COMMD4: variants seen among roughly 807,000 people sequenced by gnomAD.
COMMD4 encodes the protein COMM domain-containing protein 4.
COMMD4 carries 18 observed loss-of-function variants against 27.5 expected under a neutral mutation model. The observed-to-expected ratio is 0.65, with a 90% confidence interval of 0.45 to 0.97. COMMD4 has a LOEUF of 0.97. Among genes scored for constraint, COMMD4 ranks in the 50% least tolerant of loss-of-function variants. The pLI is 0.00. For missense variants in COMMD4, 243 were observed against 250.0 expected, an observed-to-expected ratio of 0.97 and a Z score of 0.19; for synonymous variants, 108 against 108.4, an observed-to-expected ratio of 1.00 and a Z score of 0.02.
chr15:75,339,641 C>T (rs1030328399), intron 6 of COMMD4, 61 bp from the exon 7 acceptor site: 33 of 1,505,732 alleles, frequency 2.2e-5, no homozygotes, highest in African/African-American at 4.2e-5. Context: ...GCCAGGGTGT[C>T]GGCTGAGGTC....
downstream of COMMD4, chr15:75,342,094 AAATG>A (rs1470959872): frequency 6.6e-6 from 1 of 150,892 alleles, no homozygotes; most frequent in East Asian, 2.0e-4. Flanking sequence ...AAAAAAAAAA[AAATG>A]TATATATACA....
chr15:75,340,932 C>G (rs2071423739), downstream of COMMD4: 1 of 152,232 alleles, frequency 6.6e-6, no homozygotes, highest in African/African-American at 2.4e-5. Flanking sequence ...CAGGCGTAAG[C>G]CACTGCGCCC....
In COMMD4 at chr15:75,339,948, A is replaced by G; in HGVS notation, c.560-17A>G. On this transcript the variant is annotated splice_polypyrimidine_tract_variant and intron_variant, in intron 7 of 7. Coordinates refer to ENST00000267935, the MANE Select transcript of COMMD4 (RefSeq NM_017828.5). ...CCGCCTGACTGCCTCCCACCTGCCC[A>G]CCTCTTCCCTCTGCAGAACTGAAGC... The G allele has an allele frequency of 5.6e-6, 9 of 1,614,044 alleles. No homozygotes were observed. The highest frequency in any genetic ancestry group is 7.6e-6 in the Non-Finnish European group (9 of 1,179,972).
chr15:75,340,626 C>T (rs370286874), downstream of COMMD4, among the ~76,000 whole-genome samples: 4 of 152,006 alleles, frequency 2.6e-5, no homozygotes, highest in Admixed American at 1.3e-4. Flanking sequence ...TATTTAGAGA[C>T]GGAGTTTCGC....
chr15:75,339,629 G>C, intron 6 of COMMD4, 73 bp from the exon 7 acceptor site: 1 of 1,477,634 alleles, frequency 6.8e-7, no homozygotes, highest in East Asian at 2.3e-5. Context: ...GTTGAGAGCT[G>C]AGCCAGGGTG....
rs563232982 is a variant in COMMD4, at chr15:75,336,201, G to A, written c.3+109G>A. ...TTGTACTGGCCTCTCCGCAAACACAGTGTGTGCGGGCGTGAGGGCTGTGAG... is the reference window on the plus strand; with the variant it reads ...TTGTACTGGCCTCTCCGCAAACACAATGTGTGCGGGCGTGAGGGCTGTGAG... On this transcript the variant is annotated intron_variant, in intron 1 of 7. Coordinates refer to ENST00000267935, the MANE Select transcript of COMMD4 (RefSeq NM_017828.5). 18 of 1,548,906 alleles carry A rather than the reference G, an allele frequency of 1.2e-5. No homozygotes were observed. The African/African-American group carries it at 1.8e-4, about 15-fold the overall frequency.
In COMMD4 at chr15:75,339,273, C is replaced by A; in HGVS notation, c.311C>A (p.Ala104Asp). 6.2e-7 allele frequency: 1 copy of A among 1,612,222 alleles called. No homozygotes were observed. Among genetic ancestry groups the A allele is most frequent in the Non-Finnish European group, 8.5e-7 (1 of 1,180,004 alleles). The change falls in exon 6 of 8, where the codon GCC (alanine) becomes GAC (aspartate). Residue 104 changes from alanine (A) to aspartate (D), a missense_variant. By Grantham distance (126) the Ala-to-Asp change is moderately radical. Coordinates refer to ENST00000267935, the MANE Select transcript of COMMD4 (RefSeq NM_017828.5). ...TCCATTCTACCCCCAGAGCACGCGG[C>A]CAGCCTGTGCCGCTGTTATGAGGAG... Reference protein sequence around the residue: ...QQLGLPKEHAASLCRCYEEKQ... With the variant: ...QQLGLPKEHADSLCRCYEEKQ...
intron 1 of COMMD4, chr15:75,337,123 T>G (rs2071228991): frequency 6.6e-6 from 1 of 152,286 alleles, no homozygotes; most frequent in African/African-American, 2.4e-5. Context: ...CTGGGTGCGG[T>G]GGCTCATGCC....
Position 75,338,042 on chromosome 15 carries a change from C to T in COMMD4, c.4-20C>T. 1 of 1,596,910 alleles carries T rather than the reference C, an allele frequency of 6.3e-7. No individual in the cohort carries two copies. Among genetic ancestry groups the T allele is most frequent in the Non-Finnish European group, 8.5e-7 (1 of 1,171,482 alleles). On this transcript the variant is annotated intron_variant, in intron 1 of 7. Coordinates refer to ENST00000267935, the MANE Select transcript of COMMD4 (RefSeq NM_017828.5). ...CTCAGGCCTCCCTCCAGCCTGATTACCTGCCTCCCTCCCTTGCAGAGGTTC... is the reference window on the plus strand; with the variant it reads ...CTCAGGCCTCCCTCCAGCCTGATTATCTGCCTCCCTCCCTTGCAGAGGTTC...
intron 7 of COMMD4, 38 bp downstream of exon 7, chr15:75,339,916 C>T: frequency 1.2e-6 from 2 of 1,614,046 alleles, no homozygotes; most frequent in Admixed American, 3.3e-5. Context: ...GAGAGGCTCT[C>T]CCAGATCCGC....
rs188362483 is a variant in COMMD4, at chr15:75,340,091, G to T, written c.*86G>T. 163 of 1,495,854 alleles carry T rather than the reference G, an allele frequency of 1.1e-4. No homozygotes were observed. The African/African-American group carries it at 2.2e-3, about 20-fold the overall frequency. 92.7% of individuals were successfully genotyped at this position (1,495,854 alleles called of 1,614,324 possible). A position where few individuals can be genotyped will look rare whatever the true frequency, so the allele number is the denominator to read the frequency against. ...AACTGCTCTTCGGGAGGCAGCCCTG[G>T]TTCTAGGATGCTGAGGCCCTGGCCC... is the stretch of plus-strand genomic sequence containing the variant. On this transcript the variant is annotated 3_prime_UTR_variant, in exon 8 of 8. Coordinates refer to ENST00000267935, the MANE Select transcript of COMMD4 (RefSeq NM_017828.5).
Position 75,338,345 on chromosome 15 carries a change from TC to T in COMMD4, c.76-7del, listed in dbSNP as rs558896267. 182 of 1,592,786 alleles carry T rather than the reference TC, an allele frequency of 1.1e-4. 2 individuals carry two copies. The African/African-American group carries it at 1.5e-3, about 13-fold the overall frequency. On this transcript the variant is annotated splice_polypyrimidine_tract_variant and intron_variant, in intron 2 of 7. Transcript: ENST00000267935. Reference sequence around the variant, plus strand: ...TGCCAGCCTGGCTGATGTAAGGACTTCCCTTCCAGTCCTCTGTGAAGTTGCG... The same window carrying T: ...TGCCAGCCTGGCTGATGTAAGGACTTCCTTCCAGTCCTCTGTGAAGTTGCG...
intron 1 of COMMD4, chr15:75,336,311 C>CT: frequency 7.0e-7 from 1 of 1,420,724 alleles, no homozygotes; most frequent in Non-Finnish European, 9.2e-7. Context: ...GGCCGGCCGG[C>CT]TTAGAGTCCC....
chr15:75,342,068 CAAAAAAAAAAAAAAA>C (rs34126288), downstream of COMMD4: 3 of 44,060 alleles, frequency 6.8e-5, no homozygotes, highest in Non-Finnish European at 1.1e-4. Context: ...GACCCTGTCT[CAAAAAAAAAAAAAAA>C]AAAAAAAAAA....
At chr15:75,336,205 G>T in intron 1 of COMMD4, 113 bp downstream of exon 1, 2 of 1,548,330 alleles carry the variant, frequency 1.3e-6, no homozygotes, top group Non-Finnish European at 1.7e-6. Context: ...AACACAGTGT[G>T]TGCGGGCGTG....
rs2071399245 is a variant in COMMD4 at position 75,340,001 on chromosome 15, G to C, written c.596G>C (p.Gly199Ala). The C allele has an allele frequency of 5.0e-6, 8 of 1,614,064 alleles. No homozygotes were observed. The highest frequency in any genetic ancestry group is 6.8e-6 in the Non-Finnish European group (8 of 1,179,964). The change falls in exon 8 of 8, where the codon GGC (glycine) becomes GCC (alanine). Residue 199 changes from glycine to alanine, a missense_variant. Transcript: ENST00000267935. The part of the protein sequence containing the change: ...KQAQTLMSSL[G>A] Reference sequence around the variant, plus strand: ...GCCCAGACCCTGATGAGCTCCCTGGGCTGAGGAGAAGGGTGTTCCAGGCCT... The same window carrying C: ...GCCCAGACCCTGATGAGCTCCCTGGCCTGAGGAGAAGGGTGTTCCAGGCCT...
At chr15:75,336,321 C>G in intron 1 of COMMD4, 1 of 1,397,030 alleles carries the variant, frequency 7.2e-7, no homozygotes, top group Middle Eastern at 2.6e-4. Context: ...CTTAGAGTCC[C>G]GGTGCTTCCC....
At chr15:75,339,599 A>T in intron 6 of COMMD4, 103 bp from the exon 7 acceptor site, 1 of 1,321,120 alleles carries the variant, frequency 7.6e-7, no homozygotes, top group Admixed American at 2.4e-5. Flanking sequence ...AGCTTCTTAG[A>T]GGCCACATAG....
intron 1 of COMMD4, chr15:75,336,575 A>G (rs1467070387): frequency 1.8e-5 from 4 of 222,418 alleles, no homozygotes; most frequent in Non-Finnish European, 3.6e-5. Flanking sequence ...TTATCCATCC[A>G]TCCATCCAAT....
Sources: gnomAD v4.1 joint callset for allele counts (sites outside exome capture counted in the v4.1 genomes callset) on GRCh38, gnomAD v4.1.1 for gene constraint, MANE v1.5 for transcripts, NCBI Gene and HGNC (gene_info 2026-07-23, HGNC 2026-07-21) for gene names.